Variants in ANO6 observed in about 807,000 individuals in gnomAD.
The protein encoded by ANO6 is anoctamin 6.
A neutral mutation model predicts 117.5 loss-of-function variants in ANO6; 106 were observed. The observed-to-expected ratio is 0.90, with a 90% CI of 0.77 to 1.06. ANO6 has a LOEUF of 1.06. ANO6 is among the 50% of genes least tolerant of loss of function. The probability of loss-of-function intolerance (pLI) is 0.00; values close to 1 mark genes in which losing one functional copy is unlikely to be tolerated. For missense variants in ANO6, 955 were observed against 1,121.1 expected (o/e 0.85, Z 2.12); for synonymous variants, 367 against 385.1 (o/e 0.95, Z 0.55).
At chr12:45,344,581 C>T (rs1373685502) in intron 3 of ANO6, among the ~76,000 whole-genome samples, 3 of 152,110 alleles carry the variant, frequency 2.0e-5, no homozygotes, top group South Asian at 2.1e-4. Flanking sequence ...GGGGGGAAAT[C>T]CGCCCCCATG....
At chr12:45,439,952 T>C in exon 20 of ANO6, 23 of 1,461,552 alleles carry the variant, frequency 1.6e-5, no homozygotes, top group Non-Finnish European at 2.1e-5. Flanking sequence ...TATTCAATAA[T>C]TCATTCAACA....
At position 45,422,940 on chromosome 12, in the gene ANO6, C is replaced by T. The variant is rs1233561357; in HGVS notation, c.2421-17C>T. 1 of 1,554,572 alleles carries T rather than the reference C, an allele frequency of 6.4e-7. No individual in the cohort carries two copies. Among genetic ancestry groups the T allele is most frequent in the Non-Finnish European group, 8.9e-7 (1 of 1,125,942 alleles). Reference sequence around the variant, plus strand: ...CAAAAAGATTTGTCTCCCAATATGTCTCCATTTTGTTTTCAGGTATCGTGA... The same window carrying T: ...CAAAAAGATTTGTCTCCCAATATGTTTCCATTTTGTTTTCAGGTATCGTGA... On this transcript the variant is annotated splice_polypyrimidine_tract_variant and intron_variant, in intron 18 of 19. Transcript: ENST00000320560.
intron 1 of ANO6, among the ~76,000 whole-genome samples, chr12:45,253,321 C>A (rs1254579208): frequency 6.6e-6 from 1 of 152,142 alleles, no homozygotes; most frequent in Non-Finnish European, 1.5e-5. Flanking sequence ...TCTCTCCAAG[C>A]CCCCGCCACT....
chr12:45,351,843 A>C (rs944329017), intron 7 of ANO6, among the ~76,000 whole-genome samples: 1 of 150,668 alleles, frequency 6.6e-6, no homozygotes, highest in Non-Finnish European at 1.5e-5. Context: ...CAGTTGTAAT[A>C]TTTTAAATGT....
intron 1 of ANO6, among the ~76,000 whole-genome samples, chr12:45,237,441 T>A (rs1458286565): frequency 3.3e-5 from 5 of 152,236 alleles, no homozygotes; most frequent in Admixed American, 6.5e-5. Flanking sequence ...TTTCTACATA[T>A]GGCTAGCCAG....
intron 1 of ANO6, among the ~76,000 whole-genome samples, chr12:45,243,614 A>G (rs543927809): frequency 6.6e-6 from 1 of 151,910 alleles, no homozygotes; most frequent in Admixed American, 6.6e-5. Context: ...CAGTGGCACA[A>G]TCTCGGCTCA....
chr12:45,294,472 AG>A (rs1939223250), intron 1 of ANO6, among the ~76,000 whole-genome samples: 1 of 152,134 alleles, frequency 6.6e-6, no homozygotes, highest in African/African-American at 2.4e-5. Context: ...TTTGTTGAGA[AG>A]GGGGCCAGGT....
At position 45,325,321 on chromosome 12, in the gene ANO6, G is replaced by A. The variant is rs953582913; in HGVS notation, c.151-5974G>A. ...TACAGATCATTATTCCTCAGGAGAC[G>A]GTACAAACTGGAAATGCTCACAGGG... On this transcript the variant is annotated intron_variant, in intron 2 of 19. Transcript: ENST00000320560. Among the ~76,000 whole-genome samples, 7 of 152,202 alleles carry A rather than the reference G, an allele frequency of 4.6e-5. 1 individual carries two copies. The highest frequency in any genetic ancestry group is 3.9e-4 in the Admixed American group (6 of 15,298).
Position 45,302,124 on chromosome 12 carries a change from A to T in ANO6, c.150+31A>T, listed in dbSNP as rs767237777. The T allele has an allele frequency of 5.0e-6, 8 of 1,592,014 alleles. No homozygotes were observed. In the Admixed American group the frequency reaches 6.7e-5, roughly 13 times the overall value. On this transcript the variant is annotated intron_variant, in intron 2 of 19. Transcript: ENST00000320560. The stretch of plus-strand genomic sequence containing the variant: ...TACTATTCCTTTATCTTAAATTTGT[A>T]TTCTTAAGCTAAGAGATTTTTCACA...
At chr12:45,294,709 T>C (rs11182961) in intron 1 of ANO6, among the ~76,000 whole-genome samples, 8,274 of 152,316 alleles carry the variant, frequency 0.054, 541 homozygotes, top group East Asian at 0.35. Context: ...GACATTTCTT[T>C]TCATTAGAAA....
At chr12:45,359,092 C>A (rs929806675) in intron 8 of ANO6, among the ~76,000 whole-genome samples, 1 of 152,140 alleles carries the variant, frequency 6.6e-6, no homozygotes, top group South Asian at 2.1e-4. Flanking sequence ...TCCTTATGCC[C>A]CCTTTTAAAA....
chr12:45,298,516 G>T (rs114858844), intron 1 of ANO6, among the ~76,000 whole-genome samples: 1 of 152,138 alleles, frequency 6.6e-6, no homozygotes, highest in South Asian at 2.1e-4. Context: ...AGTAGTGGGG[G>T]TAGAATTATA....
At chr12:45,243,575 G>GTT (rs1360702901) in intron 1 of ANO6, among the ~76,000 whole-genome samples, 1 of 151,774 alleles carries the variant, frequency 6.6e-6, no homozygotes, top group Non-Finnish European at 1.5e-5. Context: ...TTGAGATGGA[G>GTT]TTTTGTTCTT....
In ANO6 at chr12:45,357,287, C is replaced by T. The variant is rs777125229; in HGVS notation, c.864-3C>T. Reference sequence around the variant, plus strand: ...TCTAAAAATAATTTCTGTCTTTCTTCAGGAAATACTATGGAGAGAAGATTG... The same window carrying T: ...TCTAAAAATAATTTCTGTCTTTCTTTAGGAAATACTATGGAGAGAAGATTG... On this transcript the variant is annotated splice_region_variant and splice_polypyrimidine_tract_variant and intron_variant, in intron 7 of 19. Transcript: ENST00000320560. 31 of 1,613,432 alleles carry T rather than the reference C, an allele frequency of 1.9e-5. No homozygotes were observed. The Middle Eastern group carries it at 1.0e-3, about 54-fold the overall frequency.
chr12:45,264,062 T>C (rs1266921171), intron 1 of ANO6, among the ~76,000 whole-genome samples: 3 of 152,180 alleles, frequency 2.0e-5, no homozygotes, highest in Non-Finnish European at 2.9e-5. Flanking sequence ...TTAAGGAACA[T>C]TCGGAAGGAA....
intron 12 of ANO6, among the ~76,000 whole-genome samples, chr12:45,400,676 GA>G (rs1200197587): frequency 6.6e-6 from 1 of 152,174 alleles, no homozygotes; most frequent in Non-Finnish European, 1.5e-5. Flanking sequence ...AGAAGATATT[GA>G]AGCCCCAGTG....
At chr12:45,435,898 T>C (rs1262906449), downstream of ANO6, among the ~76,000 whole-genome samples, 1 of 152,186 alleles carries the variant, frequency 6.6e-6, no homozygotes, top group Non-Finnish European at 1.5e-5. Context: ...AAACTGAATA[T>C]ACAAATGGAC....
chr12:45,383,697 A>AT (rs1357271935), intron 10 of ANO6, among the ~76,000 whole-genome samples: 1 of 152,182 alleles, frequency 6.6e-6, no homozygotes, highest in Non-Finnish European at 1.5e-5. Context: ...TAAAAGAGTA[A>AT]TTTTTTATGA....
intron 2 of ANO6, among the ~76,000 whole-genome samples, chr12:45,317,817 A>G (rs1317780938): frequency 6.6e-6 from 1 of 152,156 alleles, no homozygotes; most frequent in Non-Finnish European, 1.5e-5. Context: ...CGCCATTCTA[A>G]CTGGTGTGAG....
Sources: gnomAD v4.1 joint callset for allele counts (sites outside exome capture counted in the v4.1 genomes callset) on GRCh38, gnomAD v4.1.1 for gene constraint, MANE v1.5 for transcripts, NCBI Gene and HGNC (gene_info 2026-07-23, HGNC 2026-07-21) for gene names.